The following PCNX2 variants were observed in gnomAD, a reference collection of about 807,000 sequenced individuals.
PCNX2 encodes pecanex-like protein 2.
In PCNX2, 168 loss-of-function variants were observed where a neutral mutation model predicts 223.8. The observed-to-expected ratio is 0.75, with a 90% CI of 0.66 to 0.85. PCNX2 has a LOEUF of 0.85. PCNX2 is among the 40% of genes least tolerant of loss of function. PCNX2 has a pLI of 0.00. For synonymous variants in PCNX2, 1,006 were observed against 1,052.6 expected (o/e 0.96, Z 0.86); for missense variants, 2,507 against 2,675.5 (o/e 0.94, Z 1.39).
At chr1:233,117,233 A>T (rs1428109608) in intron 21 of PCNX2, among the ~76,000 whole-genome samples, 1 of 152,228 alleles carries the variant, frequency 6.6e-6, no homozygotes, top group Non-Finnish European at 1.5e-5. Flanking sequence ...TGCCAATTCC[A>T]CAAAATCTCT....
chr1:233,157,987 A>T (rs970548698), intron 19 of PCNX2, among the ~76,000 whole-genome samples: 1 of 152,076 alleles, frequency 6.6e-6, no homozygotes, highest in Non-Finnish European at 1.5e-5. Context: ...CTTCTATGGG[A>T]TACAAAAGGA....
chr1:233,029,760 A>T (rs919805464), intron 25 of PCNX2, among the ~76,000 whole-genome samples: 1 of 151,918 alleles, frequency 6.6e-6, no homozygotes, highest in Non-Finnish European at 1.5e-5. Context: ...TTGATAAGTC[A>T]GAGATAATTC....
chr1:233,232,600 T>C (rs1049112597), intron 9 of PCNX2, among the ~76,000 whole-genome samples: 31 of 152,222 alleles, frequency 2.0e-4, no homozygotes, highest in African/African-American at 7.5e-4. Context: ...ATATGTATGA[T>C]GAAAAATAAA....
At chr1:233,239,796 C>G (rs930946127) in intron 8 of PCNX2, among the ~76,000 whole-genome samples, 2 of 152,178 alleles carry the variant, frequency 1.3e-5, no homozygotes, top group African/African-American at 4.8e-5. Context: ...AACATAACTC[C>G]TATGCTTTTA....
At chr1:233,261,923 T>G in intron 3 of PCNX2, 122 bp downstream of exon 3, 1 of 1,445,590 alleles carries the variant, frequency 6.9e-7, no homozygotes, top group Non-Finnish European at 9.6e-7. Flanking sequence ...GATATTCCAC[T>G]GTACACGGGC....
chr1:233,139,729 C>A lies in PCNX2; in HGVS notation c.3644G>T (p.Arg1215Leu), dbSNP rs368526067. 6.2e-7 allele frequency: 1 copy of A among 1,603,298 alleles called. No individual in the cohort carries two copies. Among genetic ancestry groups the A allele is most frequent in the South Asian group, 1.1e-5 (1 of 89,172 alleles). Residue 1215 changes from arginine to leucine, a missense_variant, in exon 20 of 34, where the codon CGG (arginine) becomes CTG (leucine). This residue lies in a region of PCNX2 where 1,372 missense variants were observed against 1,509.4 expected (regional missense o/e 0.91). Coordinates refer to ENST00000258229, the MANE Select transcript of PCNX2 (RefSeq NM_014801.4). This position sits in a 1 kb window ranked among gnomAD's most constrained non-coding sequence, Gnocchi z 4.4. ...AACCACTTACTGGGTACCAAGTCTCCGGTGATTGCTTATTAAAAATGCATC... is the reference window on the plus strand; with the variant it reads ...AACCACTTACTGGGTACCAAGTCTCAGGTGATTGCTTATTAAAAATGCATC... ...TIDAFLISNHRRLGTHWDIFL... is the reference protein window; with the variant it reads ...TIDAFLISNHLRLGTHWDIFL...
intron 19 of PCNX2, among the ~76,000 whole-genome samples, chr1:233,153,805 T>C (rs1172114450): frequency 6.6e-6 from 1 of 152,222 alleles, no homozygotes; most frequent in Non-Finnish European, 1.5e-5. Context: ...AGGAATCTGC[T>C]GCTTTTCATT....
intron 1 of PCNX2, among the ~76,000 whole-genome samples, chr1:233,278,868 C>G (rs1417881): frequency 0.093 from 14,101 of 152,232 alleles, 834 homozygotes; most frequent in South Asian, 0.17. Context: ...AGGATGCACC[C>G]CACTCCTAAA....
intron 30 of PCNX2, 167 bp from the exon 31 acceptor site, chr1:232,999,546 C>T (rs1486654444): frequency 3.4e-5 from 24 of 709,274 alleles, no homozygotes; most frequent in Non-Finnish European, 3.6e-5. Flanking sequence ...CTCCGCCTCC[C>T]GGATTCAAGC....
chr1:233,051,309 G>C (rs961339575), intron 25 of PCNX2, among the ~76,000 whole-genome samples: 3 of 152,082 alleles, frequency 2.0e-5, no homozygotes, highest in Non-Finnish European at 2.9e-5. Context: ...CTTTAAATCA[G>C]AACTACCTTT....
intron 22 of PCNX2, among the ~76,000 whole-genome samples, chr1:233,092,821 T>C (rs1673937318): frequency 6.6e-6 from 1 of 152,168 alleles, no homozygotes; most frequent in Non-Finnish European, 1.5e-5. Flanking sequence ...TTTTTTGAAA[T>C]GAAGTCTCGC....
At chr1:233,174,091 T>A (rs1040038688) in intron 17 of PCNX2, among the ~76,000 whole-genome samples, 3 of 143,318 alleles carry the variant, frequency 2.1e-5, no homozygotes, top group African/African-American at 5.0e-5. Flanking sequence ...AAATTATATA[T>A]AAATATATTT....
intron 8 of PCNX2, among the ~76,000 whole-genome samples, chr1:233,247,000 GC>G (rs1332383104): frequency 6.6e-6 from 1 of 152,270 alleles, no homozygotes; most frequent in South Asian, 2.1e-4. Flanking sequence ...AAAGAACTTA[GC>G]CCCCCATGAA....
chr1:233,218,479 T>A (rs1222284643), intron 10 of PCNX2, among the ~76,000 whole-genome samples: 1 of 152,062 alleles, frequency 6.6e-6, no homozygotes, highest in Non-Finnish European at 1.5e-5. Flanking sequence ...CTTGATCTCC[T>A]GACCTCATGA....
intron 26 of PCNX2, among the ~76,000 whole-genome samples, chr1:233,020,647 G>A (rs951156260): frequency 6.6e-6 from 1 of 152,218 alleles, no homozygotes; most frequent in Non-Finnish European, 1.5e-5. Flanking sequence ...AGTGATAAGC[G>A]TGTCTCCTTT....
At chr1:233,321,697 G>A in the PCNX2 span, among the ~76,000 whole-genome samples, 2 of 152,170 alleles carry the variant, frequency 1.3e-5, no homozygotes, top group South Asian at 4.1e-4. Flanking sequence ...CCTGTACTGA[G>A]GATTTGAGAG....
At chr1:233,210,673 C>A (rs1386242725) in intron 12 of PCNX2, 1 of 983,076 alleles carries the variant, frequency 1.0e-6, no homozygotes, top group Non-Finnish European at 1.2e-6. Flanking sequence ...ATCATCAAAT[C>A]TCCTAAGGAC....
At chr1:233,091,656 C>T (rs1048983042) in intron 22 of PCNX2, among the ~76,000 whole-genome samples, 1 of 150,984 alleles carries the variant, frequency 6.6e-6, no homozygotes, top group African/African-American at 2.4e-5. Context: ...TCTCTTGAGC[C>T]CAGGAGTTTG....
chr1:233,132,891 T>C (rs901585133), intron 21 of PCNX2, among the ~76,000 whole-genome samples: 1 of 145,160 alleles, frequency 6.9e-6, no homozygotes, highest in Non-Finnish European at 1.5e-5. Flanking sequence ...ACATTTTACA[T>C]CTTTTTTTTT....
Sources: allele counts gnomAD v4.1 joint callset (sites outside exome capture counted in the v4.1 genomes callset), GRCh38; gene constraint gnomAD v4.1.1; regional missense constraint gnomAD v4.1.1; non-coding constraint Gnocchi (gnomAD v3.1); transcripts MANE v1.5; gene names NCBI Gene and HGNC (gene_info 2026-07-23, HGNC 2026-07-21).